GRID2: variants seen among roughly 807,000 people sequenced by gnomAD.
GRID2 encodes the protein glutamate ionotropic receptor delta type subunit 2.
In GRID2, 33 loss-of-function variants were observed where a neutral mutation model predicts 114.8. The observed-to-expected ratio is 0.29, with a 90% CI of 0.22 to 0.38. The LOEUF is 0.38. Among genes scored for constraint, GRID2 ranks in the 10% least tolerant of loss-of-function variants. GRID2 has a pLI of 1.00. For synonymous variants in GRID2, 505 were observed against 449.9 expected (o/e 1.12, Z -1.55); for missense variants, 1,184 against 1,257.7 (o/e 0.94, Z 0.89).
chr4:93,783,335 T>C (rs1734519864), intron 1 of GRID2, among the ~76,000 whole-genome samples: 1 of 152,232 alleles, frequency 6.6e-6, no homozygotes, highest in Non-Finnish European at 1.5e-5. Flanking sequence ...TTCACACAAT[T>C]AGTAAGCGAG....
At chr4:93,330,530 C>T (rs1490126753) in intron 8 of GRID2, among the ~76,000 whole-genome samples, 1 of 152,040 alleles carries the variant, frequency 6.6e-6, no homozygotes, top group Non-Finnish European at 1.5e-5. Context: ...TGTTTTAACA[C>T]ATATTAATTT....
chr4:93,414,580 A>G (rs1767518799), intron 9 of GRID2, among the ~76,000 whole-genome samples: 2 of 151,976 alleles, frequency 1.3e-5, no homozygotes, highest in South Asian at 2.1e-4. Flanking sequence ...TGCTGTTTCT[A>G]CAGAGGTGCT....
rs74683660 is a variant in GRID2 at position 93,767,127 on chromosome 4, A to G, written c.2361-2083A>G. On this transcript the variant is annotated intron_variant, in intron 14 of 15. Transcript: ENST00000282020. The stretch of plus-strand genomic sequence containing the variant: ...TTAAACCTGTTACTTGGAAAGCAAA[A>G]TGAGAGAAGGGGAATGAAGGTCATA... Among the ~76,000 whole-genome samples, 260 of 152,296 alleles carry G rather than the reference A, an allele frequency of 1.7e-3. 2 individuals are homozygous for G. The highest frequency in any genetic ancestry group is 0.015 in the East Asian group (76 of 5,172).
At chr4:93,549,608 A>G (rs568266954) in intron 13 of GRID2, among the ~76,000 whole-genome samples, 1 of 152,292 alleles carries the variant, frequency 6.6e-6, no homozygotes, top group African/African-American at 2.4e-5. Context: ...GGTCAGACCT[A>G]CACCATGGAG....
At chr4:92,845,743 A>T (rs578055779) in intron 2 of GRID2, among the ~76,000 whole-genome samples, 1 of 151,866 alleles carries the variant, frequency 6.6e-6, no homozygotes, top group Non-Finnish European at 1.5e-5. Context: ...ATCATCCTAG[A>T]CCTCTTTATA....
chr4:93,803,352 T>A (rs1340879196), intron 1 of GRID2, among the ~76,000 whole-genome samples: 1 of 152,138 alleles, frequency 6.6e-6, no homozygotes, highest in Non-Finnish European at 1.5e-5. Context: ...AAAAGTAGAA[T>A]TGATAAAGAA....
chr4:92,309,229 G>A (rs1367418839), intron 1 of GRID2, among the ~76,000 whole-genome samples: 1 of 151,876 alleles, frequency 6.6e-6, no homozygotes, highest in Admixed American at 6.6e-5. Flanking sequence ...GATATCTCAG[G>A]CTAATTTTAT....
intron 8 of GRID2, among the ~76,000 whole-genome samples, chr4:93,302,867 A>C (rs1755023002): frequency 6.6e-6 from 1 of 152,208 alleles, no homozygotes; most frequent in Non-Finnish European, 1.5e-5. Flanking sequence ...CTTTTTTAGC[A>C]AAAGCTGATG....
chr4:92,541,365 G>T (rs1435464418), intron 1 of GRID2, among the ~76,000 whole-genome samples: 1 of 151,228 alleles, frequency 6.6e-6, no homozygotes, highest in East Asian at 1.9e-4. Context: ...ACAATTTTTT[G>T]GTCAAAGAAA....
At chr4:92,673,188 A>C (rs1297173361) in intron 2 of GRID2, among the ~76,000 whole-genome samples, 1 of 152,046 alleles carries the variant, frequency 6.6e-6, no homozygotes, top group African/African-American at 2.4e-5. Flanking sequence ...TTTTATATAT[A>C]TATATTTGAT....
chr4:92,416,502 T>C (rs1174051636), intron 1 of GRID2, among the ~76,000 whole-genome samples: 1 of 152,154 alleles, frequency 6.6e-6, no homozygotes. Flanking sequence ...GAAGAGCTTT[T>C]CTGATGTTAT....
intron 14 of GRID2, among the ~76,000 whole-genome samples, chr4:93,766,231 T>C (rs1455113843): frequency 6.6e-6 from 1 of 152,318 alleles, no homozygotes; most frequent in East Asian, 1.9e-4. Flanking sequence ...TATGAAGAAA[T>C]ACCCAAGACT....
intron 4 of GRID2, among the ~76,000 whole-genome samples, chr4:93,193,847 C>T (rs1447235358): frequency 6.6e-6 from 1 of 152,064 alleles, no homozygotes; most frequent in Non-Finnish European, 1.5e-5. Flanking sequence ...TCCAGGATAC[C>T]CCCTGAATTA....
chr4:92,328,143 G>A lies in GRID2; in HGVS notation c.88+23399G>A, dbSNP rs1297154393. Among the ~76,000 whole-genome samples the A allele has an allele frequency of 4.6e-5, 7 of 152,132 alleles. No homozygotes were observed. The East Asian group carries it at 9.7e-4, about 21-fold the overall frequency. ...AAAAACAAATAATACACACATTCAA[G>A]AGGGAGAATGACCTTTAGAATGTCT... On this transcript the variant is annotated intron_variant, in intron 1 of 15. Coordinates refer to ENST00000282020, the MANE Select transcript of GRID2 (RefSeq NM_001510.4).
Position 93,601,972 on chromosome 4 carries a change from T to C in GRID2, c.2194-24297T>C, listed in dbSNP as rs1158338496. Among the ~76,000 whole-genome samples, 6 of 152,310 alleles carry C rather than the reference T, an allele frequency of 3.9e-5. No homozygotes were observed. In the East Asian group the frequency reaches 9.7e-4, roughly 25 times the overall value. The stretch of plus-strand genomic sequence containing the variant: ...TTTAATGACCTTGTGTAATGTGTAA[T>C]AGACTGTGAACTATCATCACCTTAA... On this transcript the variant is annotated intron_variant, in intron 13 of 15. Transcript: ENST00000282020.
chr4:93,741,370 C>A lies in GRID2; in HGVS notation c.2361-27840C>A, dbSNP rs553959802. ...ATTTAAAATATACTTACCCTTTAACCTGATAATTTTACTTCCTGCCAGCAT... is the reference window on the plus strand; with the variant it reads ...ATTTAAAATATACTTACCCTTTAACATGATAATTTTACTTCCTGCCAGCAT... On this transcript the variant is annotated intron_variant, in intron 14 of 15. Coordinates refer to ENST00000282020, the MANE Select transcript of GRID2 (RefSeq NM_001510.4). Among the ~76,000 whole-genome samples the A allele has an allele frequency of 4.0e-5, 6 of 151,500 alleles. No individual in the cohort carries two copies. In the South Asian group the frequency reaches 1.3e-3, roughly 32 times the overall value.
chr4:93,112,737 A>T (rs1021694373), intron 4 of GRID2, among the ~76,000 whole-genome samples: 6 of 152,136 alleles, frequency 3.9e-5, no homozygotes, highest in African/African-American at 9.7e-5. Flanking sequence ...TAAAATCAAG[A>T]TGTTGGCAAG....
At chr4:92,593,520 TAATC>T (rs1347658622) in intron 2 of GRID2, among the ~76,000 whole-genome samples, 1 of 151,924 alleles carries the variant, frequency 6.6e-6, no homozygotes, top group Non-Finnish European at 1.5e-5. Context: ...GGATAGCAAT[TAATC>T]CTTTAGAAAA....
chr4:93,106,667 G>C (rs547875438), intron 3 of GRID2, among the ~76,000 whole-genome samples: 1 of 152,150 alleles, frequency 6.6e-6, no homozygotes, highest in African/African-American at 2.4e-5. Flanking sequence ...CTCATAAAGA[G>C]CATGGCTCTG....
Sources: allele counts gnomAD v4.1 joint callset (sites outside exome capture counted in the v4.1 genomes callset), GRCh38; gene constraint gnomAD v4.1.1; transcripts MANE v1.5; gene names NCBI Gene and HGNC (gene_info 2026-07-23, HGNC 2026-07-21).